The following GABRB1 variants were observed in gnomAD, a reference collection of about 807,000 sequenced individuals.
GABRB1 encodes the protein gamma-aminobutyric acid type A receptor subunit beta1, also known as gamma-aminobutyric acid receptor subunit beta-1.
Under a neutral mutation model 51.6 loss-of-function variants are expected in GABRB1, and 17 were observed. The observed-to-expected ratio is 0.33, with a 90% CI of 0.23 to 0.49. The LOEUF (loss-of-function observed/expected upper bound fraction) is 0.49. Among genes scored for constraint, GABRB1 ranks in the 20% least tolerant of loss-of-function variants. GABRB1 has a pLI of 0.99. For synonymous variants in GABRB1, 247 were observed against 218.9 expected (o/e 1.13, Z -1.14); for missense variants, 410 against 600.6 (o/e 0.68, Z 3.32).
intron 1 of GABRB1, among the ~76,000 whole-genome samples, chr4:47,020,233 C>T (rs562640982): frequency 6.6e-6 from 1 of 152,234 alleles, no homozygotes; most frequent in Admixed American, 6.6e-5. Flanking sequence ...AGGACCCCAA[C>T]CTTTCTGACC....
chr4:47,341,074 A>G (rs78114505), intron 5 of GABRB1, among the ~76,000 whole-genome samples: 1 of 152,262 alleles, frequency 6.6e-6, no homozygotes, highest in Non-Finnish European at 1.5e-5. Context: ...TGCAGTGAAC[A>G]AAACAGAGAA....
At chr4:47,328,775 G>T (rs1195736411) in intron 5 of GABRB1, among the ~76,000 whole-genome samples, 1 of 152,016 alleles carries the variant, frequency 6.6e-6, no homozygotes, top group Non-Finnish European at 1.5e-5. Flanking sequence ...TGTGGGGAGG[G>T]GGGAGCGGGG....
chr4:47,201,951 C>T (rs1474362844), intron 4 of GABRB1, among the ~76,000 whole-genome samples: 2 of 152,060 alleles, frequency 1.3e-5, no homozygotes. Flanking sequence ...ACGTGGATCC[C>T]CCAACCCCAG....
intron 1 of GABRB1, among the ~76,000 whole-genome samples, chr4:47,009,650 A>C (rs1011776005): frequency 7.9e-5 from 12 of 152,348 alleles, no homozygotes; most frequent in African/African-American, 2.9e-4. Flanking sequence ...AATCCATACC[A>C]TTGTGGATTA....
chr4:47,328,541 C>G (rs1017814518), intron 5 of GABRB1, among the ~76,000 whole-genome samples: 11 of 152,032 alleles, frequency 7.2e-5, no homozygotes, highest in Non-Finnish European at 1.5e-4. Flanking sequence ...TGATAGACTG[C>G]ATTAAGAAAA....
chr4:47,348,696 T>C (rs957649539), intron 5 of GABRB1, among the ~76,000 whole-genome samples: 2 of 152,180 alleles, frequency 1.3e-5, no homozygotes, highest in Admixed American at 1.3e-4. Flanking sequence ...TATCCTAGAA[T>C]AGTGGAGCAT....
At chr4:47,266,041 C>T (rs1722629431) in intron 4 of GABRB1, among the ~76,000 whole-genome samples, 1 of 152,068 alleles carries the variant, frequency 6.6e-6, no homozygotes, top group Non-Finnish European at 1.5e-5. Flanking sequence ...AAGTGTATTT[C>T]CAAGATTTTC....
At chr4:47,075,782 A>C (rs1026640986) in intron 3 of GABRB1, among the ~76,000 whole-genome samples, 5 of 152,166 alleles carry the variant, frequency 3.3e-5, no homozygotes, top group African/African-American at 1.2e-4. Flanking sequence ...CGGCACATTT[A>C]TGGAGGCTGG....
At chr4:47,335,482 C>T (rs759699237) in intron 5 of GABRB1, among the ~76,000 whole-genome samples, 7 of 152,042 alleles carry the variant, frequency 4.6e-5, no homozygotes, top group Non-Finnish European at 1.0e-4. Context: ...TGATTATTTC[C>T]TTCCAACTGT....
rs1039510570 is a variant in GABRB1 at position 47,399,683 on chromosome 4, A to G, written c.545-3635A>G. On this transcript the variant is annotated intron_variant, in intron 5 of 8. Transcript: ENST00000295454. ...GATGATATGTCCTCTGAATCTTTAT[A>G]TATCTTCTCTGGAAAGAAGTGGTAT... Among the ~76,000 whole-genome samples, 40 of 152,260 alleles carry G rather than the reference A, an allele frequency of 2.6e-4. No homozygotes were observed. In the Middle Eastern group the frequency reaches 0.014, roughly 52 times the overall value.
intron 5 of GABRB1, among the ~76,000 whole-genome samples, chr4:47,340,781 C>G (rs2109986911): frequency 6.6e-6 from 1 of 152,208 alleles, no homozygotes; most frequent in Middle Eastern, 3.4e-3. Flanking sequence ...TTGGCAAACT[C>G]AAACCTGGGA....
intron 8 of GABRB1, among the ~76,000 whole-genome samples, chr4:47,413,933 T>C (rs1042568343): frequency 2.6e-5 from 4 of 152,158 alleles, no homozygotes; most frequent in Admixed American, 1.3e-4. Context: ...AGAGATGGTA[T>C]TTAGAGTTTT....
intron 4 of GABRB1, among the ~76,000 whole-genome samples, chr4:47,192,052 C>CT (rs1056556810): frequency 2.6e-5 from 4 of 151,930 alleles, no homozygotes; most frequent in Admixed American, 6.6e-5. Flanking sequence ...TTCACATTTT[C>CT]TTTTTTTACC....
At chr4:47,278,982 T>C (rs1045164160) in intron 4 of GABRB1, among the ~76,000 whole-genome samples, 10 of 152,138 alleles carry the variant, frequency 6.6e-5, no homozygotes, top group Non-Finnish European at 1.2e-4. Context: ...TTGCTCATTT[T>C]TGTTACTCTT....
intron 5 of GABRB1, among the ~76,000 whole-genome samples, chr4:47,395,981 A>T (rs1728167899): frequency 6.6e-6 from 1 of 152,058 alleles, no homozygotes; most frequent in South Asian, 2.1e-4. Flanking sequence ...GTTCTTCTTT[A>T]TGGCTTTATA....
In GABRB1 at chr4:47,425,863, C is replaced by T. The variant is rs2110071193; in HGVS notation, c.1270C>T (p.Pro424Ser). ...GCGCGCCCTGGACCGGCACGGGGTA[C>T]CCAGCAAGGGGCGCATCCGCAGGCG... ...YGRALDRHGV[P>S]SKGRIRRRAS... Residue 424 changes from proline (P) to serine (S), a missense_variant, in exon 9 of 9, where the codon CCC becomes TCC. Pro to Ser is a moderately conservative substitution (Grantham distance 74, BLOSUM62 -1). This residue lies in a region of GABRB1 where 181 missense variants were observed against 195.6 expected (regional missense o/e 0.93). Transcript: ENST00000295454. The T allele has an allele frequency of 1.2e-6, 2 of 1,614,148 alleles. No homozygotes were observed. The highest frequency in any genetic ancestry group is 1.7e-6 in the Non-Finnish European group (2 of 1,180,018).
chr4:47,324,079 C>T (rs951299293), intron 5 of GABRB1, among the ~76,000 whole-genome samples: 3 of 152,072 alleles, frequency 2.0e-5, no homozygotes, highest in Non-Finnish European at 4.4e-5. Flanking sequence ...AAGATCCGGA[C>T]CTTAATCTCA....
At chr4:47,183,345 C>CATATATATATATAT (rs57840134) in intron 4 of GABRB1, among the ~76,000 whole-genome samples, 2 of 124,434 alleles carry the variant, frequency 1.6e-5, no homozygotes, top group African/African-American at 3.0e-5. Flanking sequence ...TGTGTGTGTG[C>CATATATATATATAT]ATATATATAT....
At chr4:47,223,020 T>C (rs1298023578) in intron 4 of GABRB1, among the ~76,000 whole-genome samples, 4 of 152,132 alleles carry the variant, frequency 2.6e-5, no homozygotes, top group African/African-American at 9.7e-5. Context: ...AGCATTGTAG[T>C]ACCCCAGGTT....
Sources: gnomAD v4.1 joint callset for allele counts (sites outside exome capture counted in the v4.1 genomes callset) on GRCh38, gnomAD v4.1.1 for gene constraint, gnomAD v4.1.1 regional missense constraint, MANE v1.5 for transcripts, NCBI Gene and HGNC (gene_info 2026-07-23, HGNC 2026-07-21) for gene names.